The following AK7 variants were observed in gnomAD, a reference collection of about 807,000 sequenced individuals.
AK7 encodes the protein adenylate kinase 7.
Under a neutral mutation model 96.6 loss-of-function variants are expected in AK7, and 78 were observed. The observed-to-expected ratio is 0.81, with a 90% CI of 0.67 to 0.97. AK7 has a LOEUF of 0.97. Ranked by LOEUF, AK7 falls within the 50% of genes least tolerant of loss-of-function variation. The probability of loss-of-function intolerance (pLI) is 0.00; values close to 1 mark genes in which losing one functional copy is unlikely to be tolerated. For synonymous variants in AK7, 302 were observed against 317.2 expected (o/e 0.95, Z 0.51); for missense variants, 855 against 887.9 (o/e 0.96, Z 0.47).
At chr14:96,447,046 C>G (rs116592764) in intron 8 of AK7, among the ~76,000 whole-genome samples, 2,633 of 152,250 alleles carry the variant, frequency 0.017, 77 homozygotes, top group African/African-American at 0.059. Flanking sequence ...TCCGTAAAAC[C>G]CAAACTCACT....
chr14:96,477,679 A>G lies in AK7; in HGVS notation c.1556-786A>G, dbSNP rs1312836797. On this transcript the variant is annotated intron_variant, in intron 14 of 17. Coordinates refer to ENST00000267584, the MANE Select transcript of AK7 (RefSeq NM_152327.5). Reference sequence around the variant, plus strand: ...ACAGATGGGTAAAATGGTCATCATTATTAACATGATCTGTGTGTTGAATTT... The same window carrying G: ...ACAGATGGGTAAAATGGTCATCATTGTTAACATGATCTGTGTGTTGAATTT... 2.6e-5 allele frequency among the ~76,000 whole-genome samples: 4 copies of G among 152,254 alleles called. No homozygotes were observed. In the East Asian group the frequency reaches 7.7e-4, roughly 29 times the overall value.
intron 14 of AK7, 88 bp downstream of exon 14, chr14:96,472,843 A>C: frequency 9.0e-7 from 1 of 1,110,790 alleles, no homozygotes; most frequent in Non-Finnish European, 1.3e-6. Context: ...GAACTTTGGG[A>C]GGCCAAGGCG....
intron 14 of AK7, among the ~76,000 whole-genome samples, chr14:96,476,863 T>C (rs1895216457): frequency 6.6e-6 from 1 of 152,208 alleles, no homozygotes; most frequent in Non-Finnish European, 1.5e-5. Context: ...ATTTTTGAAA[T>C]TCATAGATTA....
At chr14:96,471,811 A>G (rs987968735) in intron 13 of AK7, among the ~76,000 whole-genome samples, 2 of 151,030 alleles carry the variant, frequency 1.3e-5, no homozygotes, top group African/African-American at 2.4e-5. Flanking sequence ...CCTTTTACAA[A>G]TTTTTTAAAA....
At chr14:96,470,938 A>G (rs1894849141) in intron 12 of AK7, among the ~76,000 whole-genome samples, 1 of 152,220 alleles carries the variant, frequency 6.6e-6, no homozygotes, top group South Asian at 2.1e-4. Context: ...GAACACTTTG[A>G]AAGTGCAGAC....
At chr14:96,395,870 A>G (rs1473147439) in intron 1 of AK7, among the ~76,000 whole-genome samples, 13 of 115,350 alleles carry the variant, frequency 1.1e-4, no homozygotes, top group African/African-American at 4.1e-4. Context: ...GGAGTACAGT[A>G]GCATGATCTT....
rs745821375 is a variant in AK7, at chr14:96,471,568, T to C, written c.1448T>C (p.Phe483Ser). ...CRNQGYILDG[F>S]PKTYDQAKDL... is the part of the protein sequence containing the mutation. ...AATCAAGGTTATATTTTGGATGGAT[T>C]CCCAAAGACCTATGATCAAGCAAAA... is the stretch of plus-strand genomic sequence containing the variant. The change falls in exon 13 of 18, where the codon TTC (phenylalanine) becomes TCC (serine). Residue 483 changes from phenylalanine (F) to serine (S), a missense_variant. Transcript: ENST00000267584. The C allele has an allele frequency of 1.9e-6, 3 of 1,599,400 alleles. No homozygotes were observed. The South Asian group carries it at 3.4e-5, about 18-fold the overall frequency.
rs537249474 is a variant in AK7 at position 96,426,145 on chromosome 14, T to A, written c.609+5213T>A. 1.0e-3 allele frequency among the ~76,000 whole-genome samples: 158 copies of A among 152,216 alleles called. 1 individual carries two copies. Among genetic ancestry groups the A allele is most frequent in the Admixed American group, 2.7e-3 (41 of 15,276 alleles). On this transcript the variant is annotated intron_variant, in intron 5 of 17. Coordinates refer to ENST00000267584, the MANE Select transcript of AK7 (RefSeq NM_152327.5). ...ATGGTGATTTTCTCTGGTGATATGATTTAGTTTCTTGCTTTTTATTTTTTG... is the reference window on the plus strand; with the variant it reads ...ATGGTGATTTTCTCTGGTGATATGAATTAGTTTCTTGCTTTTTATTTTTTG...
chr14:96,431,361 A>G (rs1892340365), intron 5 of AK7, among the ~76,000 whole-genome samples: 1 of 152,020 alleles, frequency 6.6e-6, no homozygotes. Context: ...TAGGGTGTCA[A>G]TTTTAGATCT....
chr14:96,417,137 G>A (rs568079139), intron 4 of AK7, among the ~76,000 whole-genome samples: 3 of 152,314 alleles, frequency 2.0e-5, no homozygotes, highest in Admixed American at 6.5e-5. Context: ...CATGCCATGT[G>A]AGCCAGGGCT....
chr14:96,482,740 C>T (rs1480091298), intron 15 of AK7, among the ~76,000 whole-genome samples: 1 of 152,146 alleles, frequency 6.6e-6, no homozygotes, highest in Admixed American at 6.6e-5. Flanking sequence ...ATCCATTCCC[C>T]CATTCAACCA....
At chr14:96,470,006 G>T (rs1595455668) in intron 12 of AK7, among the ~76,000 whole-genome samples, 1 of 151,964 alleles carries the variant, frequency 6.6e-6, no homozygotes, top group East Asian at 1.9e-4. Context: ...TAGTAGAGAT[G>T]AGAGTTTCTC....
At chr14:96,462,925 C>A (rs1894336921) in intron 12 of AK7, among the ~76,000 whole-genome samples, 2 of 152,172 alleles carry the variant, frequency 1.3e-5, no homozygotes, top group South Asian at 4.1e-4. Context: ...ATCACGAGGT[C>A]AGAAGTTCAA....
chr14:96,407,809 C>T (rs1481667700), intron 3 of AK7, among the ~76,000 whole-genome samples: 1 of 151,958 alleles, frequency 6.6e-6, no homozygotes, highest in African/African-American at 2.4e-5. Context: ...TCTTGATCTC[C>T]TGACCTCGTG....
At chr14:96,471,456 T>TTC in intron 12 of AK7, 22 bp from the exon 13 acceptor site, 1 of 1,289,000 alleles carries the variant, frequency 7.8e-7, no homozygotes, top group Middle Eastern at 2.2e-4. Context: ...AAGTAATATA[T>TTC]ACATATATGT....
intron 4 of AK7, among the ~76,000 whole-genome samples, chr14:96,412,466 G>A (rs1891093647): frequency 6.6e-6 from 1 of 151,390 alleles, no homozygotes. Flanking sequence ...GACCTCAGGT[G>A]ATCCACCCGC....
chr14:96,394,271 C>A (rs1889928488), intron 1 of AK7, among the ~76,000 whole-genome samples: 1 of 152,174 alleles, frequency 6.6e-6, no homozygotes, highest in Non-Finnish European at 1.5e-5. Flanking sequence ...ACCAGGGCTT[C>A]CTGGGCCCAC....
intron 4 of AK7, among the ~76,000 whole-genome samples, chr14:96,415,778 T>A (rs138036231): frequency 0.1 from 14,971 of 149,174 alleles, 879 homozygotes; most frequent in East Asian, 0.15. Context: ...TTAATTAAAT[T>A]AATTTAATAC....
intron 12 of AK7, among the ~76,000 whole-genome samples, chr14:96,463,576 C>T (rs915152563): frequency 1.2e-4 from 18 of 151,644 alleles, no homozygotes; most frequent in East Asian, 1.2e-3. Flanking sequence ...AAAAATTAGC[C>T]GGGTGTGGTG....
Sources: allele counts gnomAD v4.1 joint callset (sites outside exome capture counted in the v4.1 genomes callset), GRCh38; gene constraint gnomAD v4.1.1; transcripts MANE v1.5; gene names NCBI Gene and HGNC (gene_info 2026-07-23, HGNC 2026-07-21).